The following IL20RA variants were observed in gnomAD, a reference collection of about 807,000 sequenced individuals.
IL20RA encodes the protein interleukin 20 receptor subunit alpha.
A neutral mutation model predicts 36.5 loss-of-function variants in IL20RA; 29 were observed. The ratio of observed to expected loss-of-function variants is 0.79; its 90% CI spans 0.59 to 1.08. The LOEUF is 1.08. IL20RA is among the 50% of genes least tolerant of loss of function. The probability of loss-of-function intolerance (pLI) is 0.00; values close to 1 mark genes in which losing one functional copy is unlikely to be tolerated. For missense variants in IL20RA, 652 were observed against 668.4 expected (o/e 0.98, Z 0.27); for synonymous variants, 279 against 267.1 (o/e 1.04, Z -0.43).
chr6:137,033,500 C>T (rs1332470999), intron 1 of IL20RA, among the ~76,000 whole-genome samples: 2 of 152,206 alleles, frequency 1.3e-5, no homozygotes, highest in Non-Finnish European at 2.9e-5. Context: ...GCACCACCCG[C>T]TTGGTGCTGT....
chr6:137,033,575 A>T (rs939830673), intron 1 of IL20RA, among the ~76,000 whole-genome samples: 4 of 152,068 alleles, frequency 2.6e-5, no homozygotes, highest in African/African-American at 9.7e-5. Flanking sequence ...CCTCCCCACC[A>T]TTGCTCTCTC....
At chr6:137,015,673 T>C (rs1429778372) in intron 2 of IL20RA, among the ~76,000 whole-genome samples, 1 of 152,098 alleles carries the variant, frequency 6.6e-6, no homozygotes, top group Non-Finnish European at 1.5e-5. Context: ...TGTTTGTTTG[T>C]TTGTGAAAAG....
chr6:137,003,042 G>A (rs935365997), intron 6 of IL20RA, among the ~76,000 whole-genome samples: 3 of 152,178 alleles, frequency 2.0e-5, no homozygotes, highest in African/African-American at 7.2e-5. Context: ...TGTTATCTAA[G>A]AGAGCATGAG....
intron 1 of IL20RA, among the ~76,000 whole-genome samples, chr6:137,032,076 AG>A (rs1476463817): frequency 2.0e-5 from 3 of 150,652 alleles, no homozygotes; most frequent in Non-Finnish European, 4.4e-5. Context: ...AAAAAAGAAA[AG>A]AAAAAAAAGA....
chr6:137,001,418 T>C lies in IL20RA; in HGVS notation c.*140A>G, dbSNP rs1775028176. The C allele has an allele frequency of 6.6e-6, 5 of 752,102 alleles. No homozygotes were observed. The highest frequency in any genetic ancestry group is 6.1e-5 in the South Asian group (3 of 49,294). 46.6% of individuals were successfully genotyped at this position (752,102 alleles called of 1,614,324 possible). On this transcript the variant is annotated 3_prime_UTR_variant, in exon 7 of 7. Coordinates refer to ENST00000316649, the MANE Select transcript of IL20RA (RefSeq NM_014432.4). ...ACCAATCACACACGTGCTATGAGAA[T>C]AGAGAAAAGAAATAAGTAATTCTCA...
At chr6:137,008,827 G>C (rs1205133503) in intron 4 of IL20RA, 84 bp from the exon 5 acceptor site, 142 of 572,846 alleles carry the variant, frequency 2.5e-4, no homozygotes, top group East Asian at 6.5e-4. Context: ...GGAAATAGAA[G>C]ACCAAGGCAC....
chr6:137,008,535 T>A (rs1301224253), intron 5 of IL20RA, 64 bp downstream of exon 5: 12 of 1,476,704 alleles, frequency 8.1e-6, no homozygotes, highest in Non-Finnish European at 1.1e-5. Context: ...GTCTAAACCA[T>A]CATACCGACT....
At chr6:137,034,534 A>G (rs2115420442) in intron 1 of IL20RA, among the ~76,000 whole-genome samples, 1 of 152,254 alleles carries the variant, frequency 6.6e-6, no homozygotes, top group South Asian at 2.1e-4. Flanking sequence ...CCCTGCATGC[A>G]TTAGCTATTT....
At chr6:137,030,967 T>C (rs563204574) in intron 1 of IL20RA, among the ~76,000 whole-genome samples, 19 of 152,344 alleles carry the variant, frequency 1.2e-4, no homozygotes, top group African/African-American at 4.3e-4. Flanking sequence ...TCTCACCTTT[T>C]ATACTTATTT....
Position 137,011,140 on chromosome 6 carries a change from T to C in IL20RA, c.403+134A>G, listed in dbSNP as rs1195156205. 27 of 624,376 alleles carry C rather than the reference T, an allele frequency of 4.3e-5. No homozygotes were observed. The Admixed American group carries it at 5.1e-4, about 12-fold the overall frequency. 38.7% of individuals were successfully genotyped at this position (624,376 alleles called of 1,614,324 possible). ...AGCAAGGTTAAGGACTTTGTCCTGC[T>C]CACTCAACCCACTGGTCCAGAATAC... is the stretch of plus-strand genomic sequence containing the variant. On this transcript the variant is annotated intron_variant, in intron 3 of 6. Coordinates refer to ENST00000316649, the MANE Select transcript of IL20RA (RefSeq NM_014432.4).
intron 1 of IL20RA, among the ~76,000 whole-genome samples, chr6:137,025,130 T>C (rs1435108858): frequency 6.6e-6 from 1 of 152,212 alleles, no homozygotes; most frequent in Non-Finnish European, 1.5e-5. Flanking sequence ...CCTTTTATTA[T>C]ATTATAACTT....
rs750789257 is a variant in IL20RA, at chr6:137,002,058, G to C, written c.1162C>G (p.Leu388Val). ...TTATCCGGGGGTATTGTTCTGCTGA[G>C]GGACTCTTGCTGGGTGAGAGAAGTA... ...EGTSLTQQES[L>V]SRTIPPDKTV... is the part of the protein sequence containing the mutation. The change falls in exon 7 of 7, where the codon CTC (leucine) becomes GTC (valine). Residue 388 changes from leucine (L) to valine (V), a missense_variant. Physicochemically the swap from Leu to Val is conservative, Grantham distance 32. Transcript: ENST00000316649. 6.2e-7 allele frequency: 1 copy of C among 1,614,148 alleles called. No individual in the cohort carries two copies. Among genetic ancestry groups the C allele is most frequent in the South Asian group, 1.1e-5 (1 of 91,084 alleles).
chr6:137,022,134 A>C (rs896210034), intron 1 of IL20RA, among the ~76,000 whole-genome samples: 2 of 152,358 alleles, frequency 1.3e-5, no homozygotes, highest in African/African-American at 2.4e-5. Context: ...CTATGATATT[A>C]ATACATCAAA....
rs181033468 is a variant in IL20RA, at chr6:137,007,874, G to T, written c.724+725C>A. ...CCAGGGAAAGTAAAAAATGAATTCT[G>T]CTTTACAGTGGTTTTAGAATAATGC... On this transcript the variant is annotated intron_variant, in intron 5 of 6. Coordinates refer to ENST00000316649, the MANE Select transcript of IL20RA (RefSeq NM_014432.4). Among the ~76,000 whole-genome samples, 850 of 152,308 alleles carry T rather than the reference G, an allele frequency of 5.6e-3. 45 individuals carry two copies. In the South Asian group the frequency reaches 0.14, roughly 25 times the overall value.
At chr6:137,035,146 TA>T (rs1212946693) in intron 1 of IL20RA, among the ~76,000 whole-genome samples, 2 of 152,140 alleles carry the variant, frequency 1.3e-5, no homozygotes, top group Non-Finnish European at 2.9e-5. Context: ...GAATTATAAA[TA>T]TTTTATATAA....
chr6:137,007,573 T>G (rs1775322673), intron 5 of IL20RA, among the ~76,000 whole-genome samples: 1 of 152,192 alleles, frequency 6.6e-6, no homozygotes, highest in Non-Finnish European at 1.5e-5. Flanking sequence ...TTTTTCAATT[T>G]TCAAGTTTTT....
In IL20RA at chr6:137,001,662, T is replaced by G; in HGVS notation, c.1558A>C (p.Arg520=). The change falls in exon 7 of 7, where the codon AGA becomes CGA. Residue 520 remains arginine, a synonymous_variant. Transcript: ENST00000316649. Reference sequence around the variant, plus strand: ...TCTGGAGCCGGCTCCTCATAGAGTCTAGATAGAAGACCCTCCTCTCCGAGC... The same window carrying G: ...TCTGGAGCCGGCTCCTCATAGAGTCGAGATAGAAGACCCTCCTCTCCGAGC... The part of the protein sequence containing the change: ...DGLGEEGLLS[R]LYEEPAPDRP... 1.2e-6 allele frequency: 2 copies of G among 1,614,076 alleles called. No homozygotes were observed. The highest frequency in any genetic ancestry group is 1.7e-6 in the Non-Finnish European group (2 of 1,179,992).
Position 137,004,705 on chromosome 6 carries a change from A to C in IL20RA, c.780T>G (p.Ser260=). Residue 260 remains serine, a synonymous_variant, in exon 6 of 7, where the codon TCT becomes TCG. Transcript: ENST00000316649. ...TCACAGAAAAAAGAAACACGGTAAT[A>C]GATACGGGCAAAACATACCAGAAGA... The part of the protein sequence containing the change: ...KIIFWYVLPV[S]ITVFLFSVMG... 4.3e-6 allele frequency: 7 copies of C among 1,611,418 alleles called. No homozygotes were observed. The highest frequency in any genetic ancestry group is 5.9e-6 in the Non-Finnish European group (7 of 1,178,582).
intron 2 of IL20RA, among the ~76,000 whole-genome samples, chr6:137,014,762 T>A (rs1775621338): frequency 6.6e-6 from 1 of 152,178 alleles, no homozygotes; most frequent in Non-Finnish European, 1.5e-5. Context: ...GAAACTTCTA[T>A]AATTACATTT....
Sources: gnomAD v4.1 joint callset for allele counts (sites outside exome capture counted in the v4.1 genomes callset) on GRCh38, gnomAD v4.1.1 for gene constraint, MANE v1.5 for transcripts, NCBI Gene and HGNC (gene_info 2026-07-23, HGNC 2026-07-21) for gene names.